The following C3orf70 variants were observed in gnomAD, a reference collection of about 807,000 sequenced individuals.
C3orf70 encodes the protein UPF0524 protein C3orf70.
In C3orf70, 15 loss-of-function variants were observed where a neutral mutation model predicts 20.7. That is an observed-to-expected ratio of 0.72 (90% CI 0.48 to 1.11). The LOEUF is 1.11. C3orf70 is among the 50% of genes most tolerant of loss of function. C3orf70 has a pLI of 0.00. For synonymous variants in C3orf70, 161 were observed against 125.7 expected, an observed-to-expected ratio of 1.28 and a Z score of -1.88; for missense variants, 332 against 317.6, an observed-to-expected ratio of 1.05 and a Z score of -0.34.
intron 1 of C3orf70, among the ~76,000 whole-genome samples, chr3:185,131,683 A>G (rs1217231864): frequency 6.6e-6 from 1 of 152,226 alleles, no homozygotes; most frequent in East Asian, 1.9e-4. Flanking sequence ...AAAATAAGGA[A>G]TATTCAGGCA....
intron 1 of C3orf70, among the ~76,000 whole-genome samples, chr3:185,087,674 AGTT>A (rs1715485409): frequency 6.6e-6 from 1 of 152,074 alleles, no homozygotes; most frequent in Non-Finnish European, 1.5e-5. Context: ...GGGGATGGGG[AGTT>A]GTTGTTTAAT....
chr3:185,133,545 C>T (rs1716563668), intron 1 of C3orf70, among the ~76,000 whole-genome samples: 1 of 151,992 alleles, frequency 6.6e-6, no homozygotes, highest in Non-Finnish European at 1.5e-5. Context: ...GAGTTTGAGA[C>T]CAGCCTGGCC....
intron 1 of C3orf70, 50 bp downstream of exon 1, chr3:185,152,569 CGGCCCGGCG>C (rs1717013997): frequency 8.9e-6 from 13 of 1,461,064 alleles, no homozygotes; most frequent in Non-Finnish European, 1.2e-5. Context: ...CGACCCCGGA[CGGCCCGGCG>C]GGCGTCCCCC....
intron 1 of C3orf70, among the ~76,000 whole-genome samples, chr3:185,100,361 G>A (rs1326800353): frequency 6.6e-6 from 1 of 152,134 alleles, no homozygotes; most frequent in Admixed American, 6.5e-5. Flanking sequence ...GGACCACAGA[G>A]CAATCAAACT....
At chr3:185,095,278 A>C (rs918449188) in intron 1 of C3orf70, among the ~76,000 whole-genome samples, 1 of 152,200 alleles carries the variant, frequency 6.6e-6, no homozygotes, top group Non-Finnish European at 1.5e-5. Flanking sequence ...GTCTGAAAAA[A>C]TCCATTTTGA....
intron 1 of C3orf70, among the ~76,000 whole-genome samples, chr3:185,120,033 A>AAAAAGAAAG (rs1716263651): frequency 1.1e-4 from 11 of 100,750 alleles, no homozygotes; most frequent in East Asian, 2.7e-4. Context: ...AAAAAAAAAA[A>AAAAAGAAAG]AAAAAGAAAA....
At chr3:185,124,732 A>G (rs1460341281) in intron 1 of C3orf70, among the ~76,000 whole-genome samples, 1 of 152,222 alleles carries the variant, frequency 6.6e-6, no homozygotes, top group Non-Finnish European at 1.5e-5. Context: ...GTGTAAGAAA[A>G]TGAAAATCCA....
At chr3:185,145,555 C>G (rs1322904810) in intron 1 of C3orf70, among the ~76,000 whole-genome samples, 1 of 152,176 alleles carries the variant, frequency 6.6e-6, no homozygotes, top group Non-Finnish European at 1.5e-5. Flanking sequence ...TTCTCTTAAA[C>G]TCAGAAAGCA....
At chr3:185,102,394 T>C (rs906291993) in intron 1 of C3orf70, among the ~76,000 whole-genome samples, 1 of 152,054 alleles carries the variant, frequency 6.6e-6, no homozygotes, top group African/African-American at 2.4e-5. Context: ...AAAATACTGC[T>C]CAAAGAAATC....
intron 1 of C3orf70, among the ~76,000 whole-genome samples, chr3:185,139,269 C>G (rs1716697238): frequency 6.6e-6 from 1 of 151,476 alleles, no homozygotes; most frequent in Admixed American, 6.6e-5. Context: ...ATCAGTCTAC[C>G]CAGCCAGGCT....
chr3:185,132,571 T>C (rs1716542645), intron 1 of C3orf70, among the ~76,000 whole-genome samples: 1 of 151,174 alleles, frequency 6.6e-6, no homozygotes. Context: ...CAGTATAGAG[T>C]GACAAAGAGA....
intron 1 of C3orf70, among the ~76,000 whole-genome samples, chr3:185,144,003 C>T (rs925360162): frequency 5.3e-5 from 8 of 151,894 alleles, no homozygotes; most frequent in African/African-American, 1.5e-4. Context: ...CACACACACA[C>T]ACACACACTC....
chr3:185,123,783 T>G (rs1006800211), intron 1 of C3orf70, among the ~76,000 whole-genome samples: 4 of 152,238 alleles, frequency 2.6e-5, no homozygotes, highest in Non-Finnish European at 5.9e-5. Context: ...TATGAAGTAT[T>G]CTGTCATGTT....
rs1715402833 is a variant in C3orf70 at position 185,083,709 on chromosome 3, A to G, written c.197-146T>C. 4.9e-6 allele frequency: 3 copies of G among 616,250 alleles called. 1 individual carries two copies. The South Asian group carries it at 8.8e-5, about 18-fold the overall frequency. 38.2% of individuals were successfully genotyped at this position (616,250 alleles called of 1,614,324 possible). A position where few individuals can be genotyped will look rare whatever the true frequency, so the allele number is the denominator to read the frequency against. On this transcript the variant is annotated intron_variant, in intron 1 of 1. Coordinates refer to ENST00000335012, the MANE Select transcript of C3orf70 (RefSeq NM_001025266.3). Reference sequence around the variant, plus strand: ...AGTAATAAAATCATTCAACATTGGTATAGTCAATGAAAAAGTCAGCATGGT... The same window carrying G: ...AGTAATAAAATCATTCAACATTGGTGTAGTCAATGAAAAAGTCAGCATGGT...
chr3:185,140,969 CAAAA>C (rs35570209), intron 1 of C3orf70, among the ~76,000 whole-genome samples: 1 of 136,674 alleles, frequency 7.3e-6, no homozygotes, highest in Non-Finnish European at 1.5e-5. Context: ...CCCTTGTCAC[CAAAA>C]AAAAAAAAGA....
chr3:185,149,169 G>A (rs550131922), intron 1 of C3orf70, among the ~76,000 whole-genome samples: 2 of 152,312 alleles, frequency 1.3e-5, no homozygotes, highest in Non-Finnish European at 2.9e-5. Context: ...AAGGCAAGCG[G>A]ATCACCTGAG....
chr3:185,123,178 CAAAA>C (rs34803531), intron 1 of C3orf70, among the ~76,000 whole-genome samples: 3 of 91,356 alleles, frequency 3.3e-5, no homozygotes, highest in African/African-American at 9.4e-5. Context: ...GACTCCATCT[CAAAA>C]AAAAAAAAAA....
At chr3:185,100,527 T>C (rs1032911933) in intron 1 of C3orf70, among the ~76,000 whole-genome samples, 1 of 152,144 alleles carries the variant, frequency 6.6e-6, no homozygotes, top group Non-Finnish European at 1.5e-5. Context: ...CCAGAATCCC[T>C]GGGACACAGC....
intron 1 of C3orf70, among the ~76,000 whole-genome samples, chr3:185,150,863 T>G (rs949989959): frequency 9.9e-5 from 15 of 152,214 alleles, no homozygotes; most frequent in African/African-American, 2.9e-4. Context: ...TGGAAATGTA[T>G]AAATAGGACA....
Sources: allele counts gnomAD v4.1 joint callset (sites outside exome capture counted in the v4.1 genomes callset), GRCh38; gene constraint gnomAD v4.1.1; transcripts MANE v1.5; gene names NCBI Gene and HGNC (gene_info 2026-07-23, HGNC 2026-07-21).